Variants in C7orf33 observed in about 807,000 individuals in gnomAD.
The protein encoded by C7orf33 is uncharacterized protein C7orf33.
Under a neutral mutation model 13.4 loss-of-function variants are expected in C7orf33, and 15 were observed. The ratio of observed to expected loss-of-function variants is 1.12; its 90% confidence interval spans 0.75 to 1.72. The LOEUF (loss-of-function observed/expected upper bound fraction) is 1.72. Ranked by LOEUF, C7orf33 falls within the 40% of genes most tolerant of loss-of-function variation. The pLI, the probability that C7orf33 is intolerant of heterozygous loss-of-function variation, is 0.00. For synonymous variants in C7orf33, 73 were observed against 83.2 expected (o/e 0.88, Z 0.67); for missense variants, 187 against 220.3 (o/e 0.85, Z 0.96).
At chr7:148,611,641 G>A (rs988174110) in intron 1 of C7orf33, among the ~76,000 whole-genome samples, 1 of 152,190 alleles carries the variant, frequency 6.6e-6, no homozygotes, top group Non-Finnish European at 1.5e-5. Flanking sequence ...TGGGACACTG[G>A]GCCAGAGCTC....
At chr7:148,606,933 T>TACACACACACAC (rs112000703) in intron 1 of C7orf33, among the ~76,000 whole-genome samples, 22,393 of 139,104 alleles carry the variant, frequency 0.16, 2,131 homozygotes, top group Admixed American at 0.22. Flanking sequence ...AAAAAAAAAA[T>TACACACACACAC]ACACACACAC....
intron 1 of C7orf33, among the ~76,000 whole-genome samples, chr7:148,600,898 G>C (rs548515483): frequency 6.6e-6 from 1 of 150,822 alleles, no homozygotes; most frequent in Admixed American, 6.6e-5. Flanking sequence ...CACCTCCCGG[G>C]TTGAAGCAAT....
intron 1 of C7orf33, among the ~76,000 whole-genome samples, chr7:148,603,594 A>C (rs759696833): frequency 2.0e-5 from 3 of 152,170 alleles, no homozygotes; most frequent in Non-Finnish European, 2.9e-5. Flanking sequence ...TCTGAGTGAG[A>C]GTTTGGAAGA....
intron 1 of C7orf33, among the ~76,000 whole-genome samples, chr7:148,594,508 G>A (rs10235360): frequency 0.018 from 2,667 of 152,136 alleles, 78 homozygotes; most frequent in African/African-American, 0.06. Flanking sequence ...CCCAGCCTTA[G>A]GTATTTTACA....
intron 1 of C7orf33, among the ~76,000 whole-genome samples, chr7:148,613,701 T>C (rs1585467926): frequency 6.6e-6 from 1 of 152,172 alleles, no homozygotes; most frequent in Non-Finnish European, 1.5e-5. Context: ...CAGGATTTCT[T>C]TGGGGGATGA....
intron 1 of C7orf33, among the ~76,000 whole-genome samples, chr7:148,597,901 G>A (rs936421603): frequency 2.0e-5 from 3 of 152,044 alleles, no homozygotes; most frequent in Non-Finnish European, 4.4e-5. Flanking sequence ...GACTACAGGT[G>A]CCTGCCACCA....
At chr7:148,605,094 T>C (rs1796459177) in intron 1 of C7orf33, among the ~76,000 whole-genome samples, 1 of 152,138 alleles carries the variant, frequency 6.6e-6, no homozygotes, top group African/African-American at 2.4e-5. Context: ...TAGTCAGGCA[T>C]GGTGGCACAC....
At chr7:148,602,055 G>A (rs911183280) in intron 1 of C7orf33, among the ~76,000 whole-genome samples, 1 of 152,106 alleles carries the variant, frequency 6.6e-6, no homozygotes, top group Non-Finnish European at 1.5e-5. Flanking sequence ...GGCCCAAACT[G>A]AGTTTATCTC....
chr7:148,608,957 T>C (rs921191118), intron 1 of C7orf33, among the ~76,000 whole-genome samples: 1 of 152,198 alleles, frequency 6.6e-6, no homozygotes, highest in African/African-American at 2.4e-5. Context: ...AAAGGCCTCT[T>C]TTGGAAACAT....
chr7:148,614,337 A>C, intron 2 of C7orf33, 41 bp downstream of exon 2: 1 of 1,583,554 alleles, frequency 6.3e-7, no homozygotes, highest in Non-Finnish European at 8.6e-7. Flanking sequence ...GTTTAAGGAA[A>C]CCCACGGGAT....
At chr7:148,613,460 A>G in intron 1 of C7orf33, among the ~76,000 whole-genome samples, 1 of 152,268 alleles carries the variant, frequency 6.6e-6, no homozygotes, top group East Asian at 1.9e-4. Flanking sequence ...TGGTCTACCT[A>G]TATAATAAAC....
chr7:148,613,553 G>T (rs1283365427), intron 1 of C7orf33, among the ~76,000 whole-genome samples: 1 of 152,226 alleles, frequency 6.6e-6, no homozygotes, highest in Non-Finnish European at 1.5e-5. Flanking sequence ...CTAAGTGAAA[G>T]AATTCAGTTA....
intron 1 of C7orf33, among the ~76,000 whole-genome samples, chr7:148,597,615 A>G (rs1210168292): frequency 6.6e-6 from 1 of 152,174 alleles, no homozygotes; most frequent in African/African-American, 2.4e-5. Context: ...TCATCAAATA[A>G]CATAACAAGA....
chr7:148,591,248 CT>C lies in C7orf33; in HGVS notation c.204+121del, dbSNP rs970932058. The C allele has an allele frequency of 1.1e-4, 96 of 857,838 alleles. No individual in the cohort carries two copies. The African/African-American group carries it at 1.5e-3, about 13-fold the overall frequency. The allele number at this position is 857,838 out of a possible 1,614,324, so 53.1% of individuals were successfully genotyped here. A position where few individuals can be genotyped will look rare whatever the true frequency, so the allele number is the denominator to read the frequency against. ...CTCTACTATGTGTTATGGAACTGGG[CT>C]TAACGACATTGAAGTAAAGAGAGAG... is the stretch of plus-strand genomic sequence containing the variant. On this transcript the variant is annotated intron_variant, in intron 1 of 2. Coordinates refer to ENST00000307003, the MANE Select transcript of C7orf33 (RefSeq NM_145304.4).
intron 1 of C7orf33, among the ~76,000 whole-genome samples, chr7:148,600,988 G>A (rs1476169956): frequency 6.6e-6 from 1 of 151,900 alleles, no homozygotes; most frequent in Non-Finnish European, 1.5e-5. Context: ...ATTTTTAGTA[G>A]AGATGGGGTT....
At chr7:148,608,169 C>T (rs1296475212) in intron 1 of C7orf33, among the ~76,000 whole-genome samples, 1 of 152,222 alleles carries the variant, frequency 6.6e-6, no homozygotes, top group Admixed American at 6.5e-5. Flanking sequence ...TGGCTTACGC[C>T]TGTATTCCCA....
At chr7:148,609,297 A>G (rs1192171519) in intron 1 of C7orf33, among the ~76,000 whole-genome samples, 1 of 152,182 alleles carries the variant, frequency 6.6e-6, no homozygotes, top group African/African-American at 2.4e-5. Flanking sequence ...GAGCTAGTCT[A>G]AACATTCATA....
intron 1 of C7orf33, among the ~76,000 whole-genome samples, chr7:148,609,376 G>A (rs1291836373): frequency 6.6e-6 from 1 of 152,192 alleles, no homozygotes; most frequent in Non-Finnish European, 1.5e-5. Flanking sequence ...CAGGGCATAT[G>A]GGCCTCCTTT....
chr7:148,591,229 T>A (rs1202292422), intron 1 of C7orf33, 100 bp downstream of exon 1: 1 of 1,018,060 alleles, frequency 9.8e-7, no homozygotes, highest in African/African-American at 1.6e-5. Context: ...GACTCTCTAC[T>A]ATGTGTTATG....
Sources: allele counts gnomAD v4.1 joint callset (sites outside exome capture counted in the v4.1 genomes callset), GRCh38; gene constraint gnomAD v4.1.1; transcripts MANE v1.5; gene names NCBI Gene and HGNC (gene_info 2026-07-23, HGNC 2026-07-21).